The following CDH13 variants were observed in gnomAD, a reference collection of about 807,000 sequenced individuals.
CDH13 encodes the protein cadherin 13.
CDH13 carries 24 observed loss-of-function variants against 63.8 expected under a neutral mutation model. The ratio of observed to expected loss-of-function variants is 0.38; its 90% CI spans 0.27 to 0.53. CDH13 has a LOEUF of 0.53. CDH13 is among the 20% of genes least tolerant of loss of function. The pLI is 0.85. For missense variants in CDH13, 1,049 were observed against 903.1 expected (o/e 1.16, Z -2.07); for synonymous variants, 503 against 355.3 (o/e 1.42, Z -4.67).
chr16:83,701,972 T>C (rs1195374085), intron 10 of CDH13, among the ~76,000 whole-genome samples: 1 of 152,184 alleles, frequency 6.6e-6, no homozygotes, highest in African/African-American at 2.4e-5. Flanking sequence ...GACCTCATTC[T>C]CTCCAGGTGT....
At chr16:83,690,327 T>C (rs943254122) in intron 10 of CDH13, among the ~76,000 whole-genome samples, 4 of 152,116 alleles carry the variant, frequency 2.6e-5, no homozygotes, top group Non-Finnish European at 5.9e-5. Context: ...GAGCCATCAC[T>C]CTAGATAGAG....
chr16:83,704,387 A>G (rs1383199029), intron 10 of CDH13, among the ~76,000 whole-genome samples: 3 of 152,180 alleles, frequency 2.0e-5, no homozygotes, highest in African/African-American at 7.2e-5. Flanking sequence ...TCCAACTCCC[A>G]TGCACCAAGC....
chr16:83,137,661 G>C (rs2036351116), intron 4 of CDH13, among the ~76,000 whole-genome samples: 5 of 152,174 alleles, frequency 3.3e-5, no homozygotes, highest in Admixed American at 3.3e-4. Flanking sequence ...GTAATTAAGA[G>C]ATATCACTGC....
chr16:83,311,472 G>A (rs935289034), intron 5 of CDH13, among the ~76,000 whole-genome samples: 13 of 152,012 alleles, frequency 8.6e-5, no homozygotes, highest in East Asian at 7.7e-4. Flanking sequence ...AATTGTCAGC[G>A]AATTCCCAAA....
chr16:83,016,504 A>G (rs1395891857), intron 2 of CDH13, among the ~76,000 whole-genome samples: 1 of 152,204 alleles, frequency 6.6e-6, no homozygotes, highest in Non-Finnish European at 1.5e-5. Flanking sequence ...CAGATTACCA[A>G]AGGGCAGGTT....
intron 3 of CDH13, among the ~76,000 whole-genome samples, chr16:83,056,950 C>A (rs1002228287): frequency 2.6e-5 from 4 of 151,908 alleles, no homozygotes; most frequent in African/African-American, 9.7e-5. Flanking sequence ...TCCATTAAAC[C>A]TTTTTTACTC....
chr16:83,504,890 G>C (rs542630108), intron 7 of CDH13, among the ~76,000 whole-genome samples: 1 of 152,148 alleles, frequency 6.6e-6, no homozygotes, highest in Non-Finnish European at 1.5e-5. Flanking sequence ...TAAGTCTCAT[G>C]GTGACATGTC....
At chr16:83,193,670 C>T (rs2038792463) in intron 4 of CDH13, among the ~76,000 whole-genome samples, 3 of 152,320 alleles carry the variant, frequency 2.0e-5, no homozygotes, top group South Asian at 4.1e-4. Context: ...GTTGACTTAT[C>T]GTTACATCTG....
At chr16:83,564,283 A>T (rs993308328) in intron 7 of CDH13, among the ~76,000 whole-genome samples, 1 of 152,144 alleles carries the variant, frequency 6.6e-6, no homozygotes, top group African/African-American at 2.4e-5. Context: ...GCAAGCAAGT[A>T]ATCAGGGAAC....
chr16:83,420,390 A>G (rs1278674698), intron 6 of CDH13, among the ~76,000 whole-genome samples: 3 of 152,208 alleles, frequency 2.0e-5, no homozygotes, highest in African/African-American at 7.2e-5. Flanking sequence ...TGCTGGTCAA[A>G]GGAAAAATTG....
At chr16:83,552,876 C>T (rs1438684249) in intron 7 of CDH13, among the ~76,000 whole-genome samples, 4 of 152,062 alleles carry the variant, frequency 2.6e-5, no homozygotes, top group African/African-American at 7.2e-5. Context: ...GTCAGGAGTT[C>T]GAGACCAGCC....
intron 8 of CDH13, among the ~76,000 whole-genome samples, chr16:83,605,728 C>A (rs114581588): frequency 0.013 from 2,038 of 152,328 alleles, 43 homozygotes; most frequent in African/African-American, 0.046. Context: ...ATTATTATGA[C>A]AGTGATGTTT....
At chr16:83,679,712 C>G (rs2150872720) in intron 10 of CDH13, among the ~76,000 whole-genome samples, 1 of 152,282 alleles carries the variant, frequency 6.6e-6, no homozygotes. Context: ...GATGGGAAAA[C>G]TCGTAGCTTA....
intron 4 of CDH13, among the ~76,000 whole-genome samples, chr16:83,173,048 G>C (rs2037989537): frequency 4.6e-5 from 7 of 152,056 alleles, no homozygotes; most frequent in Admixed American, 3.3e-4. Flanking sequence ...AAAGGTACTT[G>C]GCACTAATGT....
chr16:83,010,607 T>C (rs113956669), intron 2 of CDH13, among the ~76,000 whole-genome samples: 106 of 152,346 alleles, frequency 7.0e-4, no homozygotes, highest in African/African-American at 2.5e-3. Context: ...TTGCACTTTG[T>C]AGTTGTCCAG....
intron 2 of CDH13, among the ~76,000 whole-genome samples, chr16:82,901,899 A>G (rs987714025): frequency 6.6e-6 from 1 of 152,216 alleles, no homozygotes; most frequent in Non-Finnish European, 1.5e-5. Flanking sequence ...TTCTCTGTGC[A>G]GATACTTTTC....
chr16:83,565,735 G>T (rs1157617733), intron 7 of CDH13, among the ~76,000 whole-genome samples: 2 of 151,678 alleles, frequency 1.3e-5, no homozygotes, highest in Non-Finnish European at 2.9e-5. Context: ...TTTCTTTTGT[G>T]ATAACTGATT....
At chr16:83,159,707 C>A (rs1401932606) in intron 4 of CDH13, among the ~76,000 whole-genome samples, 5 of 152,070 alleles carry the variant, frequency 3.3e-5, no homozygotes, top group Admixed American at 3.3e-4. Flanking sequence ...TCCATTTAAC[C>A]AACTCATTTA....
At chr16:83,252,894 G>GTTT (rs905580934) in intron 5 of CDH13, among the ~76,000 whole-genome samples, 2 of 152,114 alleles carry the variant, frequency 1.3e-5, no homozygotes, top group African/African-American at 4.8e-5. Context: ...AGAGCAACTT[G>GTTT]TTTTCAAATC....
Sources: allele counts gnomAD v4.1 joint callset (sites outside exome capture counted in the v4.1 genomes callset), GRCh38; gene constraint gnomAD v4.1.1; transcripts MANE v1.5; gene names NCBI Gene and HGNC (gene_info 2026-07-23, HGNC 2026-07-21).